Variants in HDAC9 observed in about 807,000 individuals in gnomAD.
The protein encoded by HDAC9 is histone deacetylase 9, also known as MEF-2 interacting transcription repressor (MITR) protein.
In HDAC9, 41 loss-of-function variants were observed where a neutral mutation model predicts 139.4. The ratio of observed to expected loss-of-function variants is 0.29; its 90% CI spans 0.23 to 0.38. The LOEUF is 0.38. Ranked by LOEUF, HDAC9 falls within the 10% of genes least tolerant of loss-of-function variation. The pLI, the probability that HDAC9 is intolerant of heterozygous loss-of-function variation, is 1.00. For synonymous variants in HDAC9, 517 were observed against 476.2 expected (o/e 1.09, Z -1.12); for missense variants, 1,147 against 1,297.0 (o/e 0.88, Z 1.78).
chr7:18,803,620 A>G (rs901760048), intron 17 of HDAC9, among the ~76,000 whole-genome samples: 3 of 152,072 alleles, frequency 2.0e-5, no homozygotes, highest in South Asian at 2.1e-4. Context: ...CTGGCTTCCA[A>G]TTTTGATGAG....
chr7:18,492,183 G>A (rs1369042113), upstream of HDAC9, among the ~76,000 whole-genome samples: 2 of 152,052 alleles, frequency 1.3e-5, no homozygotes, highest in African/African-American at 4.8e-5. Flanking sequence ...TTTCAGGATT[G>A]TAGACGTGAG....
intron 2 of HDAC9, among the ~76,000 whole-genome samples, chr7:18,204,306 C>T (rs1430665946): frequency 6.7e-6 from 1 of 148,244 alleles, no homozygotes; most frequent in Admixed American, 6.7e-5. Flanking sequence ...CAAATTATGG[C>T]ACCACAAATA....
chr7:18,427,033 A>G (rs1245875008), intron 1 of HDAC9, among the ~76,000 whole-genome samples: 1 of 152,142 alleles, frequency 6.6e-6, no homozygotes, highest in East Asian at 1.9e-4. Flanking sequence ...CAATGTATGC[A>G]CTTGCTTCTC....
At chr7:18,844,946 T>C (rs1191241604) in intron 21 of HDAC9, among the ~76,000 whole-genome samples, 1 of 152,126 alleles carries the variant, frequency 6.6e-6, no homozygotes, top group African/African-American at 2.4e-5. Context: ...GTAGAAATGA[T>C]TCAGTGATGG....
At chr7:18,293,176 A>G (rs185259986) in intron 1 of HDAC9, among the ~76,000 whole-genome samples, 1 of 152,244 alleles carries the variant, frequency 6.6e-6, no homozygotes, top group East Asian at 1.9e-4. Flanking sequence ...AGCTTTACCT[A>G]TAAAAATATT....
chr7:18,247,370 T>G (rs971481280), intron 2 of HDAC9, among the ~76,000 whole-genome samples: 1 of 151,676 alleles, frequency 6.6e-6, no homozygotes, highest in African/African-American at 2.4e-5. Flanking sequence ...AGAATTGAAG[T>G]AGGAGAAAAA....
chr7:18,853,259 T>G (rs1009507526), intron 21 of HDAC9, among the ~76,000 whole-genome samples: 4 of 152,124 alleles, frequency 2.6e-5, no homozygotes, highest in African/African-American at 9.7e-5. Flanking sequence ...GTCCAGGACT[T>G]TTGCATGATT....
chr7:18,236,543 G>A (rs1022006163), intron 2 of HDAC9, among the ~76,000 whole-genome samples: 30 of 152,202 alleles, frequency 2.0e-4, no homozygotes, highest in Non-Finnish European at 2.8e-4. Context: ...TTCAGTTTAC[G>A]GAAATTAAGA....
At chr7:18,097,289 C>A (rs1405897275) in intron 1 of HDAC9, among the ~76,000 whole-genome samples, 1 of 152,146 alleles carries the variant, frequency 6.6e-6, no homozygotes, top group Non-Finnish European at 1.5e-5. Context: ...GAGTTTATCA[C>A]TTTAAAAATA....
At chr7:18,954,058 A>G in intron 23 of HDAC9, 88 bp from the exon 24 acceptor site, 1 of 843,834 alleles carries the variant, frequency 1.2e-6, no homozygotes, top group Non-Finnish European at 1.9e-6. Flanking sequence ...TTTCCTGAGG[A>G]TTAGGTTGTT....
chr7:18,705,459 C>T (rs1266925491), intron 12 of HDAC9, among the ~76,000 whole-genome samples: 19 of 152,292 alleles, frequency 1.2e-4, no homozygotes, highest in Admixed American at 1.1e-3. Context: ...GGATCTCACC[C>T]GTTTGCTCAC....
rs915567611 is a variant in HDAC9, at chr7:18,496,383, A to G, written c.22+59A>G. ...GTTTGAAAGGGGGCTGGCTTGGGAA[A>G]TGCAGCTAAGAAAAGCACCTCTCTT... On this transcript the variant is annotated intron_variant, in intron 2 of 25. Transcript: ENST00000686413. 8 of 1,472,416 alleles carry G rather than the reference A, an allele frequency of 5.4e-6. No individual in the cohort carries two copies. In the Admixed American group the frequency reaches 1.2e-4, roughly 22 times the overall value. 91.2% of individuals were successfully genotyped at this position (1,472,416 alleles called of 1,614,324 possible). A position where few individuals can be genotyped will look rare whatever the true frequency, so the allele number is the denominator to read the frequency against.
intron 2 of HDAC9, among the ~76,000 whole-genome samples, chr7:18,207,925 G>A (rs1011991849): frequency 2.6e-5 from 4 of 151,914 alleles, no homozygotes; most frequent in African/African-American, 9.7e-5. Context: ...TGTTGGTCAG[G>A]CTGGTCTTGA....
chr7:18,089,814 C>A (rs994746709), intron 1 of HDAC9, among the ~76,000 whole-genome samples: 1 of 152,050 alleles, frequency 6.6e-6, no homozygotes, highest in Non-Finnish European at 1.5e-5. Flanking sequence ...ATCATAAAAT[C>A]CTTCTGTATG....
chr7:18,979,626 A>G (rs1490097786), intron 25 of HDAC9, among the ~76,000 whole-genome samples: 1 of 152,206 alleles, frequency 6.6e-6, no homozygotes, highest in East Asian at 1.9e-4. Flanking sequence ...TAATTAGCTC[A>G]CAGTTCCACA....
chr7:18,249,502 C>CAAA (rs3058733), intron 2 of HDAC9, among the ~76,000 whole-genome samples: 20 of 58,578 alleles, frequency 3.4e-4, no homozygotes, highest in African/African-American at 6.1e-4. Flanking sequence ...GACTCTGTCT[C>CAAA]AAAAAAAAAA....
chr7:18,258,951 CT>C (rs199607615), intron 2 of HDAC9, among the ~76,000 whole-genome samples: 16 of 98,348 alleles, frequency 1.6e-4, no homozygotes, highest in African/African-American at 2.0e-4. Context: ...TCTTCTTCTC[CT>C]TTTTTTTTTT....
chr7:18,739,555 C>G (rs952527721), intron 13 of HDAC9, among the ~76,000 whole-genome samples: 1 of 152,178 alleles, frequency 6.6e-6, no homozygotes, highest in Non-Finnish European at 1.5e-5. Flanking sequence ...TGTTGGAGGT[C>G]CACTCCAGAC....
chr7:18,512,993 A>G (rs1563106282), intron 2 of HDAC9, among the ~76,000 whole-genome samples: 2 of 152,230 alleles, frequency 1.3e-5, no homozygotes, highest in Non-Finnish European at 2.9e-5. Flanking sequence ...AGCTTTGTGT[A>G]TGACAGAGTT....
Sources: allele counts gnomAD v4.1 joint callset (sites outside exome capture counted in the v4.1 genomes callset), GRCh38; gene constraint gnomAD v4.1.1; transcripts MANE v1.5; gene names NCBI Gene and HGNC (gene_info 2026-07-23, HGNC 2026-07-21).